Variants in TNRC6B observed in about 807,000 individuals in gnomAD.
TNRC6B encodes trinucleotide repeat-containing gene 6B protein.
A neutral mutation model predicts 203.6 loss-of-function variants in TNRC6B; 52 were observed. The ratio of observed to expected loss-of-function variants is 0.26; its 90% confidence interval spans 0.20 to 0.32. TNRC6B has a LOEUF of 0.32. Ranked by LOEUF, TNRC6B falls within the 10% of genes least tolerant of loss-of-function variation. The pLI, the probability that TNRC6B is intolerant of heterozygous loss-of-function variation, is 1.00. For synonymous variants in TNRC6B, 838 were observed against 845.7 expected, an observed-to-expected ratio of 0.99 and a Z score of 0.16; for missense variants, 1,923 against 2,286.2, an observed-to-expected ratio of 0.84 and a Z score of 3.24.
At chr22:40,108,007 G>A (rs1461769770) in intron 1 of TNRC6B, among the ~76,000 whole-genome samples, 1 of 151,626 alleles carries the variant, frequency 6.6e-6, no homozygotes, top group African/African-American at 2.4e-5. Context: ...CATGATTGTT[G>A]GCAAGGAAAA....
intron 1 of TNRC6B, among the ~76,000 whole-genome samples, chr22:40,184,486 A>G (rs904637148): frequency 1.3e-5 from 2 of 152,242 alleles, no homozygotes; most frequent in Non-Finnish European, 2.9e-5. Flanking sequence ...CCTTGACCAG[A>G]TGCAGAAGAG....
chr22:40,163,848 T>C, intron 4 of TNRC6B, among the ~76,000 whole-genome samples: 1 of 152,118 alleles, frequency 6.6e-6, no homozygotes, highest in East Asian at 1.9e-4. Context: ...TTATTTAATT[T>C]TATAAATAAA....
rs890889072 is a variant in TNRC6B at position 40,315,565 on chromosome 22, C to T, written c.4903+58C>T. ...TTCATCCACAAGGGGCTTATGTTAA[C>T]ACAGATGGTGAAGACACAAAGAGGT... On this transcript the variant is annotated intron_variant, in intron 20 of 22. Transcript: ENST00000454349. 7.7e-6 allele frequency: 12 copies of T among 1,550,256 alleles called. No individual in the cohort carries two copies. In the African/African-American group the frequency reaches 1.1e-4, roughly 14 times the overall value.
At chr22:40,235,024 A>C (rs950859470) in intron 1 of TNRC6B, among the ~76,000 whole-genome samples, 1 of 152,004 alleles carries the variant, frequency 6.6e-6, no homozygotes, top group Non-Finnish European at 1.5e-5. Flanking sequence ...ACTTGGCTTA[A>C]CTCTCTTCAT....
At chr22:40,225,742 CA>C (rs34769532) in intron 1 of TNRC6B, among the ~76,000 whole-genome samples, 17,715 of 62,762 alleles carry the variant, frequency 0.28, 433 homozygotes, top group South Asian at 0.42. Flanking sequence ...GACTCCGTCT[CA>C]AAAAAAAAAA....
At position 40,310,881 on chromosome 22, in the gene TNRC6B, TGGTGACACACTG is replaced by T. The variant is rs1159757681; in HGVS notation, c.4328_4339del (p.Asp1443_Gly1446del). ...CGTACAACCAGTTTGATATCATCCC[TGGTGACACACTG>T]GGTGGCCATACGGGTCCTGCTGGTG... On this transcript the variant is annotated inframe_deletion, in exon 17 of 23. Coordinates refer to ENST00000454349, the MANE Select transcript of TNRC6B (RefSeq NM_001162501.2). 6.2e-7 allele frequency: 1 copy of T among 1,612,608 alleles called. No individual in the cohort carries two copies. Among genetic ancestry groups the T allele is most frequent in the Non-Finnish European group, 8.5e-7 (1 of 1,179,434 alleles).
intron 1 of TNRC6B, among the ~76,000 whole-genome samples, chr22:40,201,873 C>T (rs947298249): frequency 2.6e-5 from 4 of 152,108 alleles, no homozygotes; most frequent in African/African-American, 9.7e-5. Context: ...TTTTCAGATT[C>T]AGGATGCTCA....
chr22:40,286,009 T>C (rs2070774975), intron 12 of TNRC6B, among the ~76,000 whole-genome samples: 1 of 152,266 alleles, frequency 6.6e-6, no homozygotes, highest in Non-Finnish European at 1.5e-5. Context: ...TCATCATGCA[T>C]ACCAACAAAG....
intron 1 of TNRC6B, among the ~76,000 whole-genome samples, chr22:40,055,723 C>T (rs1259261683): frequency 6.6e-6 from 1 of 152,122 alleles, no homozygotes; most frequent in Non-Finnish European, 1.5e-5. Context: ...AAAGTGGTGA[C>T]TCATTTAAGC....
At chr22:40,216,363 C>T (rs2069635246) in intron 1 of TNRC6B, among the ~76,000 whole-genome samples, 1 of 152,214 alleles carries the variant, frequency 6.6e-6, no homozygotes, top group Non-Finnish European at 1.5e-5. Flanking sequence ...CCTCTTTCCC[C>T]ACCTGCACTA....
At chr22:40,246,335 G>A (rs200694234) in intron 2 of TNRC6B, 24 of 266,666 alleles carry the variant, frequency 9.0e-5, no homozygotes, top group African/African-American at 4.0e-4. Flanking sequence ...GATTACAGGT[G>A]CACGCCACCA....
At chr22:40,122,587 C>T (rs2068455693) in intron 2 of TNRC6B, among the ~76,000 whole-genome samples, 1 of 152,120 alleles carries the variant, frequency 6.6e-6, no homozygotes, top group Non-Finnish European at 1.5e-5. Context: ...CTTCCAAACT[C>T]ACCATTAAAG....
intron 3 of TNRC6B, among the ~76,000 whole-genome samples, chr22:40,140,058 A>C (rs546604745): frequency 6.6e-6 from 1 of 152,340 alleles, no homozygotes; most frequent in African/African-American, 2.4e-5. Flanking sequence ...CCATGTGGTT[A>C]TCCAGTTCCT....
intron 10 of TNRC6B, among the ~76,000 whole-genome samples, chr22:40,280,415 C>T (rs1601485589): frequency 1.3e-5 from 2 of 152,208 alleles, no homozygotes; most frequent in South Asian, 2.1e-4. Context: ...GATAAACTTA[C>T]TCTGCATTCT....
chr22:40,084,177 T>TAAGCTAAAGAGAA (rs1238102580), intron 1 of TNRC6B, among the ~76,000 whole-genome samples: 2 of 152,184 alleles, frequency 1.3e-5, no homozygotes, highest in Non-Finnish European at 2.9e-5. Context: ...CTATGTAATC[T>TAAGCTAAAGAGAA]AAGCTAAAGA....
At chr22:40,071,757 T>C (rs772546118) in intron 1 of TNRC6B, among the ~76,000 whole-genome samples, 2 of 152,244 alleles carry the variant, frequency 1.3e-5, no homozygotes, top group Non-Finnish European at 2.9e-5. Context: ...GTTCATTGTA[T>C]GTTAAATTAT....
chr22:40,053,473 A>G (rs868639001), intron 1 of TNRC6B, among the ~76,000 whole-genome samples: 2 of 135,068 alleles, frequency 1.5e-5, no homozygotes, highest in South Asian at 2.3e-4. Flanking sequence ...CAAAAACTAC[A>G]GTATGGAAAA....
In TNRC6B at chr22:40,062,100, A is replaced by AT. The variant is rs1292228972; in HGVS notation, c.-121+17103dup. Among the ~76,000 whole-genome samples the AT allele has an allele frequency of 5.3e-5, 8 of 152,138 alleles. No individual in the cohort carries two copies. In the East Asian group the frequency reaches 1.5e-3, roughly 29 times the overall value. ...AAAATAAAAAGAAAACTTTACAACTATATGTCTCCATTTCAGCCCTCCCAG... is the reference window on the plus strand; with the variant it reads ...AAAATAAAAAGAAAACTTTACAACTATTATGTCTCCATTTCAGCCCTCCCAG... On this transcript the variant is annotated intron_variant, in intron 1 of 23. Coordinates refer to the TNRC6B transcript ENST00000301923.
At chr22:40,255,489 C>T (rs550503976) in intron 3 of TNRC6B, among the ~76,000 whole-genome samples, 4 of 152,192 alleles carry the variant, frequency 2.6e-5, no homozygotes, top group East Asian at 1.9e-4. Context: ...AAACTACTTA[C>T]AGCACCCCTC....
Sources: gnomAD v4.1 joint callset for allele counts (sites outside exome capture counted in the v4.1 genomes callset) on GRCh38, gnomAD v4.1.1 for gene constraint, MANE v1.5 for transcripts, NCBI Gene and HGNC (gene_info 2026-07-23, HGNC 2026-07-21) for gene names.